PSMD5: variants seen among roughly 807,000 people sequenced by gnomAD.
PSMD5 encodes the protein 26S proteasome non-ATPase regulatory subunit 5.
Under a neutral mutation model 52.1 loss-of-function variants are expected in PSMD5, and 40 were observed. The ratio of observed to expected loss-of-function variants is 0.77; its 90% CI spans 0.60 to 1.00. The LOEUF is 1.00. Among genes scored for constraint, PSMD5 ranks in the 50% least tolerant of loss-of-function variants. The pLI is 0.00. For synonymous variants in PSMD5, 211 were observed against 226.6 expected (o/e 0.93, Z 0.62); for missense variants, 575 against 605.2 (o/e 0.95, Z 0.52).
chr9:120,839,962 AAC>A (rs1312169790), intron 1 of PSMD5, among the ~76,000 whole-genome samples: 2 of 151,182 alleles, frequency 1.3e-5, no homozygotes, highest in African/African-American at 4.9e-5. Flanking sequence ...CTCTATTAAA[AAC>A]ACAAAAAATT....
chr9:120,838,213 C>A (rs1039937716), intron 1 of PSMD5, among the ~76,000 whole-genome samples: 3 of 152,150 alleles, frequency 2.0e-5, no homozygotes, highest in African/African-American at 7.2e-5. Context: ...TGGGTATATA[C>A]ATATGTCAAA....
chr9:120,833,558 A>G (rs1173217394), intron 1 of PSMD5, 102 bp from the exon 2 acceptor site: 1 of 1,251,578 alleles, frequency 8.0e-7, no homozygotes, highest in Non-Finnish European at 1.1e-6. Context: ...CTCCACACAG[A>G]CTTCTTTTTG....
chr9:120,818,102 T>G lies in PSMD5; in HGVS notation c.1319A>C (p.Tyr440Ser). The G allele has an allele frequency of 6.2e-7, 1 of 1,614,224 alleles. No individual in the cohort carries two copies. Among genetic ancestry groups the G allele is most frequent in the Non-Finnish European group, 8.5e-7 (1 of 1,180,032 alleles). Residue 440 changes from tyrosine to serine, a missense_variant, in exon 10 of 10, where the codon TAT becomes TCT. Tyr to Ser is a moderately radical substitution (Grantham distance 144). Transcript: ENST00000210313. ...ATGCTCCACAGACCGGTCCACCACA[T>G]ATTCTACAAAACCTGGACTGTTAAA... ...LMFNSPGFVE[Y>S]VVDRSVEHDK...
chr9:120,826,629 CGAAATCAGCTCATTAAG>C lies in PSMD5; in HGVS notation c.814+119_814+135del, dbSNP rs372380802. On this transcript the variant is annotated intron_variant, in intron 6 of 9. Coordinates refer to ENST00000210313, the MANE Select transcript of PSMD5 (RefSeq NM_005047.4). ...TTGGTTGCTCTAGATATCTTCTAAA[CGAAATCAGCTCATTAAG>C]GAAATCAGCTCTAAAGGAAAACAAT... 1.3e-3 allele frequency: 1,473 copies of C among 1,129,824 alleles called. 16 individuals carry two copies. In the African/African-American group the frequency reaches 0.02, roughly 15 times the overall value. 70.0% of individuals were successfully genotyped at this position (1,129,824 alleles called of 1,614,324 possible). A position where few individuals can be genotyped will look rare whatever the true frequency, so the allele number is the denominator to read the frequency against.
At chr9:120,825,249 G>A (rs1273665886) in intron 6 of PSMD5, among the ~76,000 whole-genome samples, 2 of 152,106 alleles carry the variant, frequency 1.3e-5, no homozygotes, top group Admixed American at 6.6e-5. Context: ...ATATCCTAAT[G>A]TTCTAAATAG....
intron 7 of PSMD5, among the ~76,000 whole-genome samples, chr9:120,823,330 T>A (rs1441571838): frequency 1.3e-5 from 2 of 150,976 alleles, no homozygotes; most frequent in Non-Finnish European, 2.9e-5. Flanking sequence ...TGCCTCAGCC[T>A]CCCGAGTAGC....
intron 1 of PSMD5, among the ~76,000 whole-genome samples, chr9:120,839,613 G>A (rs1032394013): frequency 2.6e-5 from 4 of 152,096 alleles, no homozygotes; most frequent in Admixed American, 6.5e-5. Context: ...CCAAGAAAGC[G>A]CTCTGAAATC....
At chr9:120,821,254 A>G (rs2045082155) in intron 8 of PSMD5, 101 bp downstream of exon 8, 1 of 858,736 alleles carries the variant, frequency 1.2e-6, no homozygotes, top group Non-Finnish European at 1.8e-6. Context: ...AATGAGGGTT[A>G]TCTTCTTGTA....
intron 6 of PSMD5, chr9:120,824,898 C>T: frequency 4.6e-6 from 2 of 435,710 alleles, no homozygotes; most frequent in South Asian, 5.7e-5. Context: ...GAGCTGGGAC[C>T]AGCTATTGAA....
At chr9:120,823,820 A>G (rs1205825046) in intron 7 of PSMD5, among the ~76,000 whole-genome samples, 2 of 152,118 alleles carry the variant, frequency 1.3e-5, no homozygotes, top group Admixed American at 1.3e-4. Flanking sequence ...TAACATGCCA[A>G]AAGTATCTCT....
intron 5 of PSMD5, among the ~76,000 whole-genome samples, chr9:120,827,351 T>A (rs2045129663): frequency 6.6e-6 from 1 of 152,222 alleles, no homozygotes; most frequent in Admixed American, 6.5e-5. Flanking sequence ...CAAATCCTAG[T>A]CACCCTGCCA....
At chr9:120,824,257 G>C (rs1166895888) in intron 7 of PSMD5, 3 of 522,378 alleles carry the variant, frequency 5.7e-6, no homozygotes, top group Admixed American at 3.3e-5. Context: ...GGTTGAAATC[G>C]ATTGGTAGAA....
chr9:120,821,990 A>T (rs2045088847), intron 7 of PSMD5, among the ~76,000 whole-genome samples: 1 of 152,160 alleles, frequency 6.6e-6, no homozygotes, highest in Admixed American at 6.5e-5. Flanking sequence ...CTGTACAAAC[A>T]TTTGTTTGAG....
chr9:120,825,848 T>G (rs2045118010), intron 6 of PSMD5, among the ~76,000 whole-genome samples: 1 of 152,166 alleles, frequency 6.6e-6, no homozygotes, highest in Admixed American at 6.6e-5. Context: ...AATAAAACAT[T>G]ACATCACTTG....
chr9:120,840,529 T>A (rs942088298), intron 1 of PSMD5, among the ~76,000 whole-genome samples: 1 of 151,728 alleles, frequency 6.6e-6, no homozygotes, highest in Non-Finnish European at 1.5e-5. Context: ...CACTGCAACC[T>A]CCACCTCTCA....
chr9:120,840,665 G>C (rs1173130304), intron 1 of PSMD5, among the ~76,000 whole-genome samples: 3 of 148,888 alleles, frequency 2.0e-5, no homozygotes, highest in Non-Finnish European at 4.4e-5. Flanking sequence ...TGTTGCCCAG[G>C]CTGAAGTGCA....
At chr9:120,837,798 C>T (rs1051385362) in intron 1 of PSMD5, among the ~76,000 whole-genome samples, 7 of 152,206 alleles carry the variant, frequency 4.6e-5, no homozygotes, top group African/African-American at 1.7e-4. Flanking sequence ...AAGACTTGTA[C>T]ATGAATGCTC....
chr9:120,827,822 G>C (rs1303247626), intron 5 of PSMD5, among the ~76,000 whole-genome samples: 1 of 152,178 alleles, frequency 6.6e-6, no homozygotes, highest in East Asian at 1.9e-4. Context: ...CAAATCAACT[G>C]TTCAACAGTG....
chr9:120,840,868 T>C (rs865854473), intron 1 of PSMD5, among the ~76,000 whole-genome samples: 1 of 152,140 alleles, frequency 6.6e-6, no homozygotes, highest in African/African-American at 2.4e-5. Context: ...TCCACCCGCC[T>C]CGGCCTCCCA....
Sources: allele counts gnomAD v4.1 joint callset (sites outside exome capture counted in the v4.1 genomes callset), GRCh38; gene constraint gnomAD v4.1.1; transcripts MANE v1.5; gene names NCBI Gene and HGNC (gene_info 2026-07-23, HGNC 2026-07-21).